The following SLC9A9 variants were observed in gnomAD, a reference collection of about 807,000 sequenced individuals.
The protein encoded by SLC9A9 is solute carrier family 9 member A9.
A neutral mutation model predicts 77.8 loss-of-function variants in SLC9A9; 62 were observed. The ratio of observed to expected loss-of-function variants is 0.80; its 90% confidence interval spans 0.65 to 0.98. The LOEUF (loss-of-function observed/expected upper bound fraction) is 0.98, where lower values mean the gene tolerates loss of function less well. Among genes scored for constraint, SLC9A9 ranks in the 50% least tolerant of loss-of-function variants. The pLI is 0.00. For missense variants in SLC9A9, 775 were observed against 774.9 expected, an observed-to-expected ratio of 1.00 and a Z score of 0.00; for synonymous variants, 320 against 283.5, an observed-to-expected ratio of 1.13 and a Z score of -1.29.
At chr3:143,540,025 T>C (rs1032740870) in intron 9 of SLC9A9, among the ~76,000 whole-genome samples, 2 of 152,008 alleles carry the variant, frequency 1.3e-5, no homozygotes, top group African/African-American at 4.8e-5. Flanking sequence ...ATGAGGTAAG[T>C]ATACTTTCTT....
At chr3:143,276,715 T>C (rs752416854) in intron 14 of SLC9A9, among the ~76,000 whole-genome samples, 1 of 152,104 alleles carries the variant, frequency 6.6e-6, no homozygotes, top group South Asian at 2.1e-4. Context: ...ACAACTCCTA[T>C]ATGAGTCAGA....
chr3:143,498,172 G>T (rs1431260527), intron 9 of SLC9A9, among the ~76,000 whole-genome samples: 1 of 152,060 alleles, frequency 6.6e-6, no homozygotes, highest in African/African-American at 2.4e-5. Context: ...GTTTTGTTTT[G>T]CATTAAGGTC....
At chr3:143,801,245 G>T (rs1046551178) in intron 2 of SLC9A9, among the ~76,000 whole-genome samples, 1 of 152,128 alleles carries the variant, frequency 6.6e-6, no homozygotes, top group African/African-American at 2.4e-5. Context: ...CCGGGACCGC[G>T]CCCTGTAGAC....
chr3:143,541,816 A>T (rs2036695200), intron 9 of SLC9A9, among the ~76,000 whole-genome samples: 2 of 152,232 alleles, frequency 1.3e-5, no homozygotes. Context: ...ATATGCTATG[A>T]TAAACAGATT....
chr3:143,809,545 C>A (rs541490657), intron 2 of SLC9A9, among the ~76,000 whole-genome samples: 1 of 152,304 alleles, frequency 6.6e-6, no homozygotes, highest in South Asian at 2.1e-4. Context: ...ATGTCATTCT[C>A]CCCAGACTTT....
At chr3:143,739,753 C>G (rs1160761174) in intron 4 of SLC9A9, among the ~76,000 whole-genome samples, 3 of 152,176 alleles carry the variant, frequency 2.0e-5, no homozygotes, top group Admixed American at 2.0e-4. Context: ...GCCTGAACAA[C>G]TAGACCAGTG....
chr3:143,841,535 A>G (rs1206470933), intron 1 of SLC9A9, among the ~76,000 whole-genome samples: 1 of 152,200 alleles, frequency 6.6e-6, no homozygotes, highest in Non-Finnish European at 1.5e-5. Context: ...TTAACTATGT[A>G]ACATTAATTC....
At chr3:143,476,662 A>T (rs2035483555) in intron 11 of SLC9A9, among the ~76,000 whole-genome samples, 1 of 152,240 alleles carries the variant, frequency 6.6e-6, no homozygotes, top group African/African-American at 2.4e-5. Context: ...TGGGAGTAGT[A>T]CCCAACTTAT....
rs76832158 is a variant in SLC9A9, at chr3:143,763,865, T to G, written c.533+31136A>C. 1.1e-3 allele frequency among the ~76,000 whole-genome samples: 175 copies of G among 152,202 alleles called. 1 individual carries two copies. The East Asian group carries it at 0.012, about 10-fold the overall frequency. ...GGGCCATTAAATAAGACAAATAATT[T>G]TTTTTCTACACACATGCATTTATTG... On this transcript the variant is annotated intron_variant, in intron 4 of 15. Transcript: ENST00000316549.
At chr3:143,486,433 C>T (rs66623546) in intron 11 of SLC9A9, among the ~76,000 whole-genome samples, 33,735 of 151,930 alleles carry the variant, frequency 0.22, 4,808 homozygotes, top group Non-Finnish European at 0.33. Context: ...TGGTTTGTAA[C>T]TTCACTTTTT....
At chr3:143,677,357 G>A (rs922826476) in intron 5 of SLC9A9, among the ~76,000 whole-genome samples, 3 of 152,084 alleles carry the variant, frequency 2.0e-5, no homozygotes, top group African/African-American at 7.2e-5. Flanking sequence ...ATGCCTGCTG[G>A]AAAACTCTCA....
intron 12 of SLC9A9, among the ~76,000 whole-genome samples, chr3:143,383,257 G>A (rs1428488707): frequency 6.6e-6 from 1 of 152,174 alleles, no homozygotes; most frequent in Non-Finnish European, 1.5e-5. Flanking sequence ...CATAGGACAC[G>A]TTTATATTTA....
chr3:143,393,575 G>C (rs532558891), intron 12 of SLC9A9, among the ~76,000 whole-genome samples: 2 of 152,214 alleles, frequency 1.3e-5, no homozygotes, highest in African/African-American at 4.8e-5. Context: ...TCAAAAGCTA[G>C]CAGAAGGCAA....
At chr3:143,706,274 T>C (rs897308960) in intron 4 of SLC9A9, among the ~76,000 whole-genome samples, 2 of 152,172 alleles carry the variant, frequency 1.3e-5, no homozygotes, top group African/African-American at 4.8e-5. Context: ...CAGAGATCGA[T>C]CGGGGAGCGG....
At chr3:143,710,409 T>C (rs967787704) in intron 4 of SLC9A9, among the ~76,000 whole-genome samples, 6 of 152,172 alleles carry the variant, frequency 3.9e-5, no homozygotes, top group African/African-American at 1.4e-4. Flanking sequence ...TTGAGACCCA[T>C]TATTCTCCTT....
At position 143,611,377 on chromosome 3, in the gene SLC9A9, GA is replaced by G. The variant is rs1180235906; in HGVS notation, c.756-32655del. 2.6e-5 allele frequency among the ~76,000 whole-genome samples: 4 copies of G among 152,200 alleles called. No homozygotes were observed. In the East Asian group the frequency reaches 7.7e-4, roughly 29 times the overall value. Reference sequence around the variant, plus strand: ...TGAAATTATCAAAGGAATGGCATGAGAAAATTTTCCACATTACAAGATATGA... The same window carrying G: ...TGAAATTATCAAAGGAATGGCATGAGAAATTTTCCACATTACAAGATATGA... On this transcript the variant is annotated intron_variant, in intron 6 of 15. Transcript: ENST00000316549.
chr3:143,629,471 A>C (rs143345856), intron 6 of SLC9A9, among the ~76,000 whole-genome samples: 332 of 152,274 alleles, frequency 2.2e-3, no homozygotes, highest in African/African-American at 7.6e-3. Flanking sequence ...TTAAATACTA[A>C]GACTTTATTC....
intron 5 of SLC9A9, among the ~76,000 whole-genome samples, chr3:143,657,857 A>G (rs75908436): frequency 0.013 from 1,932 of 152,152 alleles, 42 homozygotes; most frequent in African/African-American, 0.044. Context: ...AATATGGTAA[A>G]TTTTTTTATT....
chr3:143,385,130 T>C (rs986044987), intron 12 of SLC9A9, among the ~76,000 whole-genome samples: 1 of 151,916 alleles, frequency 6.6e-6, no homozygotes, highest in Non-Finnish European at 1.5e-5. Flanking sequence ...CGTTAAATGG[T>C]CCCTGACTAC....
Sources: gnomAD v4.1 joint callset for allele counts (sites outside exome capture counted in the v4.1 genomes callset) on GRCh38, gnomAD v4.1.1 for gene constraint, MANE v1.5 for transcripts, NCBI Gene and HGNC (gene_info 2026-07-23, HGNC 2026-07-21) for gene names.